Variants in UGT1A8 observed in about 807,000 individuals in gnomAD.
UGT1A8 encodes UDP glucuronosyltransferase family 1 member A8, also known as UDP-glucuronosyltransferase 1A8.
Under a neutral mutation model 45.3 loss-of-function variants are expected in UGT1A8, and 39 were observed. The ratio of observed to expected loss-of-function variants is 0.86; its 90% CI spans 0.67 to 1.12. The LOEUF (loss-of-function observed/expected upper bound fraction) is 1.12. UGT1A8 is among the 50% of genes most tolerant of loss of function. UGT1A8 has a pLI of 0.00. For missense variants in UGT1A8, 719 were observed against 664.9 expected (o/e 1.08, Z -0.90); for synonymous variants, 275 against 249.2 (o/e 1.10, Z -0.97).
Position 233,772,251 on chromosome 2 carries a change from T to C in UGT1A8, c.1296-11T>C, listed in dbSNP as rs1700493926. On this transcript the variant is annotated splice_polypyrimidine_tract_variant and intron_variant, in intron 4 of 4. Coordinates refer to ENST00000373450, the MANE Select transcript of UGT1A8 (RefSeq NM_019076.5). ...GTGTTCCAGGCATAACGAAACTGTCTTTGTGTTTAGTTACAAGGAGAACAT... is the reference window on the plus strand; with the variant it reads ...GTGTTCCAGGCATAACGAAACTGTCCTTGTGTTTAGTTACAAGGAGAACAT... The C allele has an allele frequency of 2.5e-6, 4 of 1,614,250 alleles. No homozygotes were observed. The East Asian group carries it at 8.9e-5, about 36-fold the overall frequency.
chr2:233,684,049 C>A (rs1387800184), intron 1 of UGT1A8, among the ~76,000 whole-genome samples: 1 of 152,098 alleles, frequency 6.6e-6, no homozygotes, highest in East Asian at 1.9e-4. Flanking sequence ...AGGTGAAACA[C>A]CTGGTGTCTG....
At chr2:233,676,336 T>A (rs540806557) in intron 1 of UGT1A8, among the ~76,000 whole-genome samples, 17 of 152,286 alleles carry the variant, frequency 1.1e-4, no homozygotes, top group African/African-American at 4.1e-4. Flanking sequence ...TTACAAATAC[T>A]TCATTGTAGA....
chr2:233,693,292 C>T, intron 1 of UGT1A8: 1 of 1,614,114 alleles, frequency 6.2e-7, no homozygotes, highest in Non-Finnish European at 8.5e-7. Flanking sequence ...CATTTGGAAA[C>T]AATCACTTTG....
intron 1 of UGT1A8, among the ~76,000 whole-genome samples, chr2:233,666,175 C>CT (rs563206394): frequency 5.9e-5 from 9 of 151,810 alleles, no homozygotes; most frequent in African/African-American, 1.9e-4. Context: ...AGGTGCCAGG[C>CT]TTTTTTTTAA....
intron 4 of UGT1A8, among the ~76,000 whole-genome samples, chr2:233,772,034 G>A (rs1488407782): frequency 1.3e-5 from 2 of 152,152 alleles, no homozygotes; most frequent in African/African-American, 2.4e-5. Context: ...GATGGCTTGA[G>A]CCCAGGAGTT....
chr2:233,620,711 G>A (rs1013850830), intron 1 of UGT1A8, among the ~76,000 whole-genome samples: 5 of 152,178 alleles, frequency 3.3e-5, no homozygotes, highest in Non-Finnish European at 4.4e-5. Flanking sequence ...AATTCTCACA[G>A]AGGAATTCAG....
chr2:233,730,135 G>GA lies in UGT1A8; in HGVS notation c.856-36898dup, dbSNP rs1299530262. ...TCTCCTTGTCATAATAGCCTTCAGT[G>GA]AGATAAACTGTTAAGGGGTCTCTAG... On this transcript the variant is annotated intron_variant, in intron 1 of 4. Coordinates refer to ENST00000373450, the MANE Select transcript of UGT1A8 (RefSeq NM_019076.5). 3.8e-5 allele frequency: 58 copies of GA among 1,528,822 alleles called. No homozygotes were observed. In the African/African-American group the frequency reaches 8.0e-4, roughly 21 times the overall value. 94.7% of individuals were successfully genotyped at this position (1,528,822 alleles called of 1,614,324 possible).
At chr2:233,744,008 G>C in intron 1 of UGT1A8, 6 of 1,163,404 alleles carry the variant, frequency 5.2e-6, no homozygotes, top group Non-Finnish European at 6.7e-6. Context: ...CGGAGACCTG[G>C]GCCGCCTGGA....
At chr2:233,658,000 T>G (rs953898325) in intron 1 of UGT1A8, among the ~76,000 whole-genome samples, 1 of 149,992 alleles carries the variant, frequency 6.7e-6, no homozygotes, top group Non-Finnish European at 1.5e-5. Flanking sequence ...TTTCATATCC[T>G]GTGCCTAGTT....
At chr2:233,719,837 GT>G in intron 1 of UGT1A8, 1 of 1,534,622 alleles carries the variant, frequency 6.5e-7, no homozygotes, top group Non-Finnish European at 8.8e-7. Flanking sequence ...GGGGCCTAGT[GT>G]ATTTCAAGTT....
At chr2:233,765,830 A>G (rs929596) in intron 1 of UGT1A8, among the ~76,000 whole-genome samples, 48,017 of 151,854 alleles carry the variant, frequency 0.32, 7,975 homozygotes, top group African/African-American at 0.41. Flanking sequence ...GAAACAGGAA[A>G]ACTTTCCTTG....
At chr2:233,663,530 A>G (rs553240704) in intron 1 of UGT1A8, among the ~76,000 whole-genome samples, 1 of 152,184 alleles carries the variant, frequency 6.6e-6, no homozygotes, top group South Asian at 2.1e-4. Flanking sequence ...TGTCTCAAGC[A>G]CTGATCTTAG....
At chr2:233,748,007 C>T (rs1468299644) in intron 1 of UGT1A8, 2 of 1,613,408 alleles carry the variant, frequency 1.2e-6, no homozygotes, top group Admixed American at 1.7e-5. Context: ...TGATGGATTA[C>T]CCCAGGCCGA....
intron 1 of UGT1A8, chr2:233,682,901 T>G: frequency 1.3e-6 from 2 of 1,504,332 alleles, no homozygotes; most frequent in Non-Finnish European, 8.8e-7. Context: ...TGGAATTTCT[T>G]TCTGGTTTAA....
At chr2:233,736,293 T>C (rs1349532860) in intron 1 of UGT1A8, among the ~76,000 whole-genome samples, 2 of 152,248 alleles carry the variant, frequency 1.3e-5, no homozygotes, top group Admixed American at 1.3e-4. Flanking sequence ...TTCTTCCAGT[T>C]GCTCTAATCA....
chr2:233,661,459 T>G (rs2073961743), intron 1 of UGT1A8, among the ~76,000 whole-genome samples: 2 of 152,184 alleles, frequency 1.3e-5, no homozygotes, highest in Admixed American at 6.6e-5. Flanking sequence ...GATGGAATCC[T>G]AGTTCTTTTT....
In UGT1A8 at chr2:233,682,571, A is replaced by G. The variant is rs193199170; in HGVS notation, c.855+64009A>G. The G allele has an allele frequency of 5.0e-6, 8 of 1,613,942 alleles. No homozygotes were observed. The Admixed American group carries it at 5.0e-5, about 10-fold the overall frequency. ...CAAGGAGAGAGTATGGAACCACATC[A>G]TGCACTTGGAGGAACATTTATTTTG... On this transcript the variant is annotated intron_variant, in intron 1 of 4. Transcript: ENST00000373450.
intron 1 of UGT1A8, among the ~76,000 whole-genome samples, chr2:233,726,819 C>T (rs181866502): frequency 3.3e-5 from 5 of 152,224 alleles, no homozygotes; most frequent in Admixed American, 6.5e-5. Context: ...TTCCTCTATT[C>T]GACCATTTAA....
At chr2:233,658,051 C>T (rs1159846435) in intron 1 of UGT1A8, among the ~76,000 whole-genome samples, 5 of 145,648 alleles carry the variant, frequency 3.4e-5, no homozygotes, top group Non-Finnish European at 7.4e-5. Flanking sequence ...CAAAGTGTCA[C>T]TCTGTCACCC....
Sources: allele counts gnomAD v4.1 joint callset (sites outside exome capture counted in the v4.1 genomes callset), GRCh38; gene constraint gnomAD v4.1.1; transcripts MANE v1.5; gene names NCBI Gene and HGNC (gene_info 2026-07-23, HGNC 2026-07-21).